Variants in TBCK observed in about 807,000 individuals in gnomAD.
The protein encoded by TBCK is TBC1 domain containing kinase, also known as TBC domain-containing protein kinase-like protein.
In TBCK, 99 loss-of-function variants were observed where a neutral mutation model predicts 113.4. That is an observed-to-expected ratio of 0.87 (90% CI 0.74 to 1.03). The LOEUF (loss-of-function observed/expected upper bound fraction) is 1.03. TBCK is among the 50% of genes least tolerant of loss of function. The pLI, the probability that TBCK is intolerant of heterozygous loss-of-function variation, is 0.00. For synonymous variants in TBCK, 369 were observed against 370.8 expected, an observed-to-expected ratio of 1.00 and a Z score of 0.05; for missense variants, 1,045 against 1,061.3, an observed-to-expected ratio of 0.98 and a Z score of 0.21.
chr4:106,194,832 A>AGTTT, intron 20 of TBCK, 78 bp from the exon 21 acceptor site: 6 of 1,202,004 alleles, frequency 5.0e-6, no homozygotes, highest in South Asian at 1.4e-5. Flanking sequence ...CCAATAAACT[A>AGTTT]AATGGTAAAT....
chr4:106,313,869 A>G (rs1001639272), intron 1 of TBCK, among the ~76,000 whole-genome samples: 8 of 152,246 alleles, frequency 5.3e-5, no homozygotes, highest in African/African-American at 1.9e-4. Flanking sequence ...TATGTATTAC[A>G]TACTCCAAAA....
intron 12 of TBCK, 149 bp downstream of exon 12, chr4:106,242,321 C>T: frequency 2.3e-6 from 1 of 437,036 alleles, no homozygotes; most frequent in Admixed American, 4.0e-5. Context: ...TGAAGTTGTA[C>T]AGATGCAATT....
At chr4:106,144,963 AG>A (rs1298724885) in intron 23 of TBCK, among the ~76,000 whole-genome samples, 6 of 146,560 alleles carry the variant, frequency 4.1e-5, no homozygotes, top group Middle Eastern at 3.2e-3. Context: ...CGGAGGTTGC[AG>A]GGAGCTGAGA....
chr4:106,275,386 T>G (rs1297563484), intron 3 of TBCK, among the ~76,000 whole-genome samples: 1 of 152,120 alleles, frequency 6.6e-6, no homozygotes, highest in East Asian at 1.9e-4. Flanking sequence ...TATTGACCAT[T>G]CAATATTTGT....
chr4:106,167,758 C>T lies in TBCK; in HGVS notation c.2235+3337G>A, dbSNP rs1006534711. ...CATTCTATGCCCATAAATTTGATAG[C>T]CTGGATAAAATGGCTTGAAAGACAC... On this transcript the variant is annotated intron_variant, in intron 23 of 25. Transcript: ENST00000394708. 2.6e-5 allele frequency among the ~76,000 whole-genome samples: 4 copies of T among 151,586 alleles called. No homozygotes were observed. In the South Asian group the frequency reaches 8.3e-4, roughly 31 times the overall value.
chr4:106,261,811 G>A (rs970215157), intron 4 of TBCK, among the ~76,000 whole-genome samples: 4 of 151,798 alleles, frequency 2.6e-5, no homozygotes, highest in Admixed American at 6.6e-5. Flanking sequence ...ATACTGGGAC[G>A]CCACAAGGCT....
chr4:106,311,200 T>TACAC (rs36011277), intron 1 of TBCK, among the ~76,000 whole-genome samples: 3,715 of 138,246 alleles, frequency 0.027, 85 homozygotes, highest in Non-Finnish European at 0.041. Flanking sequence ...CAGAAACTCC[T>TACAC]ACACACACAC....
intron 23 of TBCK, among the ~76,000 whole-genome samples, chr4:106,144,421 G>A (rs1439712408): frequency 6.6e-6 from 1 of 152,064 alleles, no homozygotes; most frequent in East Asian, 1.9e-4. Flanking sequence ...CTCTCCTCAT[G>A]TACCCTCAAT....
At chr4:106,080,581 C>T (rs901916718) in intron 25 of TBCK, among the ~76,000 whole-genome samples, 4 of 152,160 alleles carry the variant, frequency 2.6e-5, no homozygotes, top group African/African-American at 9.7e-5. Flanking sequence ...AGAAGAAAAC[C>T]TTGGCAATAC....
intron 22 of TBCK, 69 bp downstream of exon 22, chr4:106,193,540 T>C (rs1405646212): frequency 1.9e-5 from 29 of 1,562,814 alleles, no homozygotes; most frequent in Non-Finnish European, 2.1e-5. Context: ...TTTTTGCCAA[T>C]GGCTTAAGAA....
At chr4:106,237,666 C>G (rs11729801) in intron 12 of TBCK, 2 of 378,984 alleles carry the variant, frequency 5.3e-6, no homozygotes, top group Admixed American at 6.2e-5. Context: ...ATCTTTTACT[C>G]AAACTAAGAA....
rs776652513 is a variant in TBCK at position 106,230,458 on chromosome 4, T to G, written c.1691-12A>C. 1.3e-6 allele frequency: 2 copies of G among 1,562,948 alleles called. No individual in the cohort carries two copies. The highest frequency in any genetic ancestry group is 1.4e-5 in the African/African-American group (1 of 73,638). On this transcript the variant is annotated splice_polypyrimidine_tract_variant and intron_variant, in intron 18 of 25. Coordinates refer to ENST00000394708, the MANE Select transcript of TBCK (RefSeq NM_001163435.3). ...TGCATAAGCCAAGGCTAAAAGAGAA[T>G]AAGGCAAAGGCATGTAAAAAATTAG...
rs750582823 is a variant in TBCK, at chr4:106,242,571, TGAAAA to T, written c.1071-7_1071-3del. On this transcript the variant is annotated splice_region_variant and splice_polypyrimidine_tract_variant and intron_variant, in intron 11 of 25. Coordinates refer to ENST00000394708, the MANE Select transcript of TBCK (RefSeq NM_001163435.3). ...CTTTCACCATCCTCAAAGAGAAAAC[TGAAAA>T]GAAATTTTTAAAAATAATATGTACA... 36 of 1,587,762 alleles carry T rather than the reference TGAAAA, an allele frequency of 2.3e-5. No individual in the cohort carries two copies. Among genetic ancestry groups the T allele is most frequent in the Non-Finnish European group, 2.9e-5 (34 of 1,170,278 alleles).
At chr4:106,176,558 C>T (rs896153013) in intron 22 of TBCK, among the ~76,000 whole-genome samples, 1 of 151,906 alleles carries the variant, frequency 6.6e-6, no homozygotes, top group Admixed American at 6.6e-5. Flanking sequence ...TTTTTATGTA[C>T]GTTTTCTTTA....
intron 25 of TBCK, among the ~76,000 whole-genome samples, chr4:106,086,928 T>G (rs1371325079): frequency 6.6e-6 from 1 of 152,188 alleles, no homozygotes; most frequent in Non-Finnish European, 1.5e-5. Flanking sequence ...TGATGGAACA[T>G]ATCTCAAAAT....
chr4:106,061,716 T>C (rs1028246820), intron 25 of TBCK, among the ~76,000 whole-genome samples: 2 of 151,478 alleles, frequency 1.3e-5, no homozygotes, highest in African/African-American at 2.4e-5. Flanking sequence ...CAGATCCTTA[T>C]TACAAGATGG....
chr4:106,130,221 G>A (rs1220638070), intron 23 of TBCK, among the ~76,000 whole-genome samples: 1 of 152,042 alleles, frequency 6.6e-6, no homozygotes, highest in Non-Finnish European at 1.5e-5. Context: ...ATTAACTTCT[G>A]GAGAAAAATG....
chr4:106,224,473 A>C (rs1758021633), intron 19 of TBCK, among the ~76,000 whole-genome samples: 2 of 152,140 alleles, frequency 1.3e-5, no homozygotes, highest in African/African-American at 2.4e-5. Flanking sequence ...ATTTGTGGAG[A>C]AGAAAGTGTA....
At chr4:106,298,379 A>C (rs1007524447) in intron 2 of TBCK, among the ~76,000 whole-genome samples, 4 of 151,946 alleles carry the variant, frequency 2.6e-5, no homozygotes, top group African/African-American at 9.7e-5. Context: ...TTTGGGAGGC[A>C]GGCGGATCAC....
Sources: allele counts gnomAD v4.1 joint callset (sites outside exome capture counted in the v4.1 genomes callset), GRCh38; gene constraint gnomAD v4.1.1; transcripts MANE v1.5; gene names NCBI Gene and HGNC (gene_info 2026-07-23, HGNC 2026-07-21).